THSD7B: variants seen among roughly 807,000 people sequenced by gnomAD.
THSD7B encodes thrombospondin type-1 domain-containing protein 7B.
THSD7B carries 138 observed loss-of-function variants against 213.6 expected under a neutral mutation model. The observed-to-expected ratio is 0.65, with a 90% CI of 0.56 to 0.74. The LOEUF is 0.74. Ranked by LOEUF, THSD7B falls within the 30% of genes least tolerant of loss-of-function variation. THSD7B has a pLI of 0.00. For missense variants in THSD7B, 1,931 were observed against 1,991.5 expected (o/e 0.97, Z 0.58); for synonymous variants, 742 against 687.0 (o/e 1.08, Z -1.25).
At chr2:136,966,925 T>C (rs1350456705) in intron 2 of THSD7B, among the ~76,000 whole-genome samples, 1 of 152,168 alleles carries the variant, frequency 6.6e-6, no homozygotes, top group Non-Finnish European at 1.5e-5. Context: ...CTTTCTCTCT[T>C]CCTTCCCCTC....
chr2:137,130,188 G>A (rs1163890221), intron 5 of THSD7B, among the ~76,000 whole-genome samples: 2 of 152,056 alleles, frequency 1.3e-5, no homozygotes, highest in Non-Finnish European at 2.9e-5. Flanking sequence ...TGGATTTACG[G>A]CCAGATGAGG....
At chr2:137,100,912 T>C (rs189073864) in intron 4 of THSD7B, among the ~76,000 whole-genome samples, 2 of 152,134 alleles carry the variant, frequency 1.3e-5, no homozygotes, top group Non-Finnish European at 2.9e-5. Context: ...CTGTCTGTCA[T>C]TGGTTATGAG....
intron 1 of THSD7B, among the ~76,000 whole-genome samples, chr2:136,827,164 A>T (rs1682658596): frequency 6.6e-6 from 1 of 152,236 alleles, no homozygotes; most frequent in African/African-American, 2.4e-5. Context: ...TGGCAGTGTT[A>T]GGTCAGCTCC....
chr2:137,564,893 A>G (rs1003353986), intron 16 of THSD7B, among the ~76,000 whole-genome samples: 1 of 152,174 alleles, frequency 6.6e-6, no homozygotes, highest in Non-Finnish European at 1.5e-5. Flanking sequence ...AAATATCCAT[A>G]TGTCTAAGTT....
chr2:136,958,825 G>T (rs926746807), intron 2 of THSD7B, among the ~76,000 whole-genome samples: 1 of 152,268 alleles, frequency 6.6e-6, no homozygotes, highest in South Asian at 2.1e-4. Context: ...CTAATAGTCA[G>T]AACTGCCCCC....
intron 12 of THSD7B, among the ~76,000 whole-genome samples, chr2:137,366,674 C>T (rs892137738): frequency 6.6e-6 from 1 of 151,206 alleles, no homozygotes; most frequent in South Asian, 2.1e-4. Context: ...TCCTTCCTTG[C>T]AAATCTTGCA....
At chr2:137,656,691 C>T (rs1321567519) in intron 22 of THSD7B, 105 bp from the exon 23 acceptor site, 2 of 1,042,454 alleles carry the variant, frequency 1.9e-6, no homozygotes, top group Non-Finnish European at 2.7e-6. Flanking sequence ...GTATCAGGAA[C>T]TGCATGTATC....
intron 4 of THSD7B, among the ~76,000 whole-genome samples, chr2:137,101,655 G>A (rs1035169611): frequency 1.3e-5 from 2 of 152,162 alleles, no homozygotes; most frequent in Non-Finnish European, 2.9e-5. Flanking sequence ...AATTCTCGCT[G>A]CCAGCACAGC....
At chr2:137,522,985 A>G (rs1362013588) in intron 15 of THSD7B, among the ~76,000 whole-genome samples, 2 of 152,202 alleles carry the variant, frequency 1.3e-5, no homozygotes, top group Non-Finnish European at 1.5e-5. Flanking sequence ...TGGTTACTAA[A>G]CAGACATGTA....
At chr2:136,910,780 A>C (rs1383557157) in intron 2 of THSD7B, among the ~76,000 whole-genome samples, 1 of 152,004 alleles carries the variant, frequency 6.6e-6, no homozygotes, top group East Asian at 1.9e-4. Context: ...ATTTTTAATG[A>C]TATTAATTTA....
intron 3 of THSD7B, among the ~76,000 whole-genome samples, chr2:137,087,088 A>G (rs1687855238): frequency 6.6e-6 from 1 of 152,218 alleles, no homozygotes; most frequent in African/African-American, 2.4e-5. Context: ...TTCTATCTGC[A>G]TGGTCAACAT....
intron 1 of THSD7B, among the ~76,000 whole-genome samples, chr2:136,780,175 G>A (rs1411677190): frequency 6.6e-6 from 1 of 152,174 alleles, no homozygotes; most frequent in Non-Finnish European, 1.5e-5. Context: ...TGATGGCTGG[G>A]AAGTGCGAGA....
chr2:137,204,700 C>T (rs1455145702), intron 7 of THSD7B, among the ~76,000 whole-genome samples: 1 of 152,032 alleles, frequency 6.6e-6, no homozygotes, highest in African/African-American at 2.4e-5. Flanking sequence ...TGGCTTTGTG[C>T]TGGCTTATTG....
At chr2:137,051,660 C>G (rs772570231) in intron 2 of THSD7B, among the ~76,000 whole-genome samples, 1 of 152,074 alleles carries the variant, frequency 6.6e-6, no homozygotes, top group Non-Finnish European at 1.5e-5. Context: ...ACCCCTTGCC[C>G]AAGTTAAAAA....
At chr2:137,232,857 C>T (rs919977036) in intron 8 of THSD7B, 42 bp from the exon 9 acceptor site, 1 of 1,588,556 alleles carries the variant, frequency 6.3e-7, no homozygotes, top group African/African-American at 1.3e-5. Flanking sequence ...AAAACAAGAA[C>T]AGCAACCACT....
chr2:137,197,182 A>G (rs1019436079), intron 7 of THSD7B, among the ~76,000 whole-genome samples: 3 of 152,252 alleles, frequency 2.0e-5, no homozygotes, highest in Non-Finnish European at 4.4e-5. Context: ...TACTGAGGGC[A>G]TGATTAAGAT....
intron 5 of THSD7B, among the ~76,000 whole-genome samples, chr2:137,144,522 A>C (rs1679653850): frequency 1.3e-5 from 2 of 152,054 alleles, no homozygotes; most frequent in Non-Finnish European, 1.5e-5. Flanking sequence ...AGGGGAATTT[A>C]ACTTAATATA....
chr2:137,315,363 G>A (rs534840248), intron 12 of THSD7B, among the ~76,000 whole-genome samples: 12 of 152,172 alleles, frequency 7.9e-5, no homozygotes, highest in East Asian at 5.8e-4. Flanking sequence ...GCCCTGCTTC[G>A]GCTCATGCAC....
Position 137,094,813 on chromosome 2 carries a change from AT to A in THSD7B, c.951-59del. 4 of 1,548,292 alleles carry A rather than the reference AT, an allele frequency of 2.6e-6. No individual in the cohort carries two copies. In the South Asian group the frequency reaches 4.9e-5, roughly 19 times the overall value. ...TTTTTTTTCTCATGGTAGGCACTTT[AT>A]AATGTTAGTTGCATCCATTAATATA... On this transcript the variant is annotated intron_variant, in intron 3 of 27. Transcript: ENST00000409968.
Sources: gnomAD v4.1 joint callset for allele counts (sites outside exome capture counted in the v4.1 genomes callset) on GRCh38, gnomAD v4.1.1 for gene constraint, MANE v1.5 for transcripts, NCBI Gene and HGNC (gene_info 2026-07-23, HGNC 2026-07-21) for gene names.